The following CWC27 variants were observed in gnomAD, a reference collection of about 807,000 sequenced individuals.
CWC27 encodes the protein spliceosome-associated protein CWC27 homolog.
A neutral mutation model predicts 63.6 loss-of-function variants in CWC27; 47 were observed. The ratio of observed to expected loss-of-function variants is 0.74; its 90% CI spans 0.58 to 0.94. The LOEUF is 0.94. Ranked by LOEUF, CWC27 falls within the 40% of genes least tolerant of loss-of-function variation. The probability of loss-of-function intolerance (pLI) is 0.00; values close to 1 mark genes in which losing one functional copy is unlikely to be tolerated. For missense variants in CWC27, 495 were observed against 554.3 expected (o/e 0.89, Z 1.07); for synonymous variants, 175 against 179.8 (o/e 0.97, Z 0.22).
At chr5:65,014,499 C>G (rs1344227156) in intron 13 of CWC27, among the ~76,000 whole-genome samples, 1 of 151,852 alleles carries the variant, frequency 6.6e-6, no homozygotes, top group Admixed American at 6.6e-5. Context: ...AGTGAACAAG[C>G]TCTACAATTT....
At chr5:64,921,250 AC>A in intron 11 of CWC27, among the ~76,000 whole-genome samples, 1 of 152,224 alleles carries the variant, frequency 6.6e-6, no homozygotes, top group Non-Finnish European at 1.5e-5. Flanking sequence ...TGGTTTTGAT[AC>A]ATCTTGGTAT....
intron 10 of CWC27, among the ~76,000 whole-genome samples, chr5:64,806,617 T>A (rs1744682499): frequency 6.6e-6 from 1 of 152,174 alleles, no homozygotes; most frequent in Non-Finnish European, 1.5e-5. Flanking sequence ...AGAAACAGTT[T>A]TTTCCTCTAG....
At chr5:64,915,389 A>G (rs898569995) in intron 11 of CWC27, among the ~76,000 whole-genome samples, 1 of 152,192 alleles carries the variant, frequency 6.6e-6, no homozygotes, top group African/African-American at 2.4e-5. Context: ...GAGGTTAACA[A>G]ATGGGACATG....
At position 64,885,542 on chromosome 5, in the gene CWC27, T is replaced by G. The variant is rs1355405400; in HGVS notation, c.1038T>G (p.Ser346Arg). The change falls in exon 11 of 14, where the codon AGT becomes AGG. Residue 346 changes from serine (S) to arginine (R), a missense_variant. By Grantham distance (110) the Ser-to-Arg change is moderately radical. This residue lies in a region of CWC27 where 463 missense variants were observed against 498.1 expected (regional missense o/e 0.93). Coordinates refer to ENST00000381070, the MANE Select transcript of CWC27 (RefSeq NM_005869.4). ...ENAAKQAEKR[S>R]EEEEAPPDGA... ...CAGCAAAACAAGCAGAAAAAAGAAG[T>G]GAAGGTAAGGGCATTTATCACGCTT... 6.3e-7 allele frequency: 1 copy of G among 1,595,082 alleles called. No individual in the cohort carries two copies. Among genetic ancestry groups the G allele is most frequent in the Admixed American group, 1.7e-5 (1 of 57,570 alleles).
At chr5:64,833,635 C>T (rs923318012) in intron 10 of CWC27, among the ~76,000 whole-genome samples, 50 of 151,602 alleles carry the variant, frequency 3.3e-4, no homozygotes, top group African/African-American at 1.1e-3. Context: ...TCTTTGCAAC[C>T]TAGATTTATT....
chr5:64,882,021 G>A lies in CWC27; in HGVS notation c.939-3422G>A, dbSNP rs189348399. 1.2e-3 allele frequency among the ~76,000 whole-genome samples: 182 copies of A among 152,258 alleles called. 3 individuals carry two copies. The highest frequency in any genetic ancestry group is 4.3e-3 in the African/African-American group (178 of 41,566). Reference sequence around the variant, plus strand: ...CTGTTCCCTGTGCAGCGGCTACCCAGTTCCATTTTTATGTCATGCCAAGTA... The same window carrying A: ...CTGTTCCCTGTGCAGCGGCTACCCAATTCCATTTTTATGTCATGCCAAGTA... On this transcript the variant is annotated intron_variant, in intron 10 of 13. Transcript: ENST00000381070.
chr5:64,916,744 C>T (rs1394539083), intron 11 of CWC27, among the ~76,000 whole-genome samples: 2 of 152,184 alleles, frequency 1.3e-5, no homozygotes, highest in African/African-American at 4.8e-5. Context: ...CAAACAAAAA[C>T]ATACCTATAA....
At chr5:65,006,611 C>A (rs1467425324) in intron 13 of CWC27, among the ~76,000 whole-genome samples, 1 of 151,726 alleles carries the variant, frequency 6.6e-6, no homozygotes, top group Non-Finnish European at 1.5e-5. Flanking sequence ...ACCAAATTAC[C>A]TAAAAATTAT....
At chr5:64,780,178 G>C (rs567115764) in intron 2 of CWC27, among the ~76,000 whole-genome samples, 58 of 152,120 alleles carry the variant, frequency 3.8e-4, no homozygotes, top group Admixed American at 9.8e-4. Context: ...TTTGTGTTTG[G>C]GTTCTTTCAC....
At chr5:64,821,086 A>AT (rs11388495) in intron 10 of CWC27, among the ~76,000 whole-genome samples, 42,562 of 132,544 alleles carry the variant, frequency 0.32, 7,612 homozygotes, top group Middle Eastern at 0.45. Context: ...AAACAAAGCA[A>AT]TTTTTTTTTT....
chr5:64,780,665 T>C (rs1484779112), intron 2 of CWC27, among the ~76,000 whole-genome samples: 1 of 138,500 alleles, frequency 7.2e-6, no homozygotes, highest in African/African-American at 2.6e-5. Context: ...TATATAAACA[T>C]ATATATCACT....
intron 11 of CWC27, among the ~76,000 whole-genome samples, chr5:64,903,659 G>A (rs1260473822): frequency 2.0e-5 from 3 of 151,980 alleles, no homozygotes; most frequent in African/African-American, 7.3e-5. Flanking sequence ...AAACCTGCAT[G>A]TTCTGCACAT....
intron 11 of CWC27, among the ~76,000 whole-genome samples, chr5:64,930,175 T>C (rs1056720609): frequency 1.3e-5 from 2 of 152,160 alleles, no homozygotes; most frequent in South Asian, 4.2e-4. Context: ...TCCAAATTTG[T>C]AGAGAAAGAA....
intron 2 of CWC27, among the ~76,000 whole-genome samples, chr5:64,778,724 G>A (rs1445674083): frequency 2.6e-5 from 4 of 152,168 alleles, no homozygotes; most frequent in Non-Finnish European, 5.9e-5. Flanking sequence ...CAGTGTTAGT[G>A]TAACTGATGA....
intron 10 of CWC27, among the ~76,000 whole-genome samples, chr5:64,861,303 G>A (rs1746407013): frequency 6.7e-6 from 1 of 150,242 alleles, no homozygotes; most frequent in African/African-American, 2.5e-5. Context: ...GCCTCTTCTT[G>A]CATCAGAATT....
chr5:64,788,919 CTT>C (rs11340181), intron 6 of CWC27, 30 bp from the exon 7 acceptor site: 482 of 1,238,468 alleles, frequency 3.9e-4, no homozygotes, highest in South Asian at 1.0e-3. Context: ...CTTTCTCTTT[CTT>C]TTTTTTTTTC....
intron 11 of CWC27, among the ~76,000 whole-genome samples, chr5:64,919,312 T>C (rs1218223710): frequency 1.3e-5 from 2 of 152,200 alleles, no homozygotes; most frequent in African/African-American, 4.8e-5. Flanking sequence ...AGACATAGTG[T>C]TTACTTCTTA....
intron 12 of CWC27, among the ~76,000 whole-genome samples, chr5:64,976,190 A>G (rs1749225759): frequency 6.6e-6 from 1 of 152,220 alleles, no homozygotes; most frequent in Non-Finnish European, 1.5e-5. Context: ...CATTTGTATG[A>G]GTAATGCTGC....
At chr5:64,892,436 A>G (rs1003237937) in intron 11 of CWC27, among the ~76,000 whole-genome samples, 5 of 152,328 alleles carry the variant, frequency 3.3e-5, no homozygotes, top group Non-Finnish European at 5.9e-5. Flanking sequence ...GAAATGTAGA[A>G]AGGCATAAAG....
Sources: gnomAD v4.1 joint callset for allele counts (sites outside exome capture counted in the v4.1 genomes callset) on GRCh38, gnomAD v4.1.1 for gene constraint, gnomAD v4.1.1 regional missense constraint, MANE v1.5 for transcripts, NCBI Gene and HGNC (gene_info 2026-07-23, HGNC 2026-07-21) for gene names.